The following MAGI2 variants were observed in gnomAD, a reference collection of about 807,000 sequenced individuals.
The protein encoded by MAGI2 is membrane-associated guanylate kinase, WW and PDZ domain-containing protein 2.
In MAGI2, 35 loss-of-function variants were observed where a neutral mutation model predicts 133.3. That is an observed-to-expected ratio of 0.26 (90% CI 0.20 to 0.35). The LOEUF (loss-of-function observed/expected upper bound fraction) is 0.35, where lower values mean the gene tolerates loss of function less well. MAGI2 is among the 10% of genes least tolerant of loss of function. The pLI is 1.00. For missense variants in MAGI2, 1,636 were observed against 1,863.4 expected (o/e 0.88, Z 2.25); for synonymous variants, 729 against 710.6 (o/e 1.03, Z -0.41).
intron 2 of MAGI2, among the ~76,000 whole-genome samples, chr7:78,706,771 C>T (rs944135127): frequency 6.6e-6 from 1 of 152,072 alleles, no homozygotes; most frequent in African/African-American, 2.4e-5. Context: ...CTGCAGCCAG[C>T]CCTGAAACAA....
At chr7:78,523,000 T>C (rs1185273343) in intron 3 of MAGI2, among the ~76,000 whole-genome samples, 2 of 152,008 alleles carry the variant, frequency 1.3e-5, no homozygotes, top group Non-Finnish European at 2.9e-5. Context: ...AGAAAAGCAT[T>C]ATAACAGGAA....
At chr7:78,072,725 G>A (rs1292228805) in intron 21 of MAGI2, 5 of 395,548 alleles carry the variant, frequency 1.3e-5, no homozygotes, top group Middle Eastern at 1.2e-3. Flanking sequence ...CTGTCGCCCA[G>A]GCTGGTGTGC....
intron 2 of MAGI2, among the ~76,000 whole-genome samples, chr7:78,734,987 T>C (rs909566261): frequency 2.0e-5 from 3 of 152,200 alleles, no homozygotes; most frequent in Admixed American, 1.3e-4. Context: ...AACTGATACA[T>C]AACTTTTCTG....
intron 9 of MAGI2, among the ~76,000 whole-genome samples, chr7:78,295,479 G>A (rs1429562574): frequency 6.6e-6 from 1 of 152,166 alleles, no homozygotes; most frequent in Non-Finnish European, 1.5e-5. Flanking sequence ...TGACCTCTGA[G>A]GGTGTGAAAT....
chr7:78,612,885 T>A (rs529859184), intron 3 of MAGI2, among the ~76,000 whole-genome samples: 1 of 152,116 alleles, frequency 6.6e-6, no homozygotes, highest in Non-Finnish European at 1.5e-5. Flanking sequence ...TTAGCCAGGA[T>A]GGTCTCGATC....
chr7:78,432,633 C>T (rs953565841), intron 6 of MAGI2, among the ~76,000 whole-genome samples: 3 of 152,050 alleles, frequency 2.0e-5, no homozygotes, highest in African/African-American at 7.2e-5. Context: ...GGTACAACTA[C>T]TGAGAATTCC....
At chr7:78,413,042 G>A (rs949980505) in intron 6 of MAGI2, among the ~76,000 whole-genome samples, 1 of 152,046 alleles carries the variant, frequency 6.6e-6, no homozygotes, top group African/African-American at 2.4e-5. Flanking sequence ...GGGAGACAGG[G>A]TTTAAAGGAA....
intron 9 of MAGI2, among the ~76,000 whole-genome samples, chr7:78,301,637 C>T (rs1797835202): frequency 6.6e-6 from 1 of 152,198 alleles, no homozygotes; most frequent in African/African-American, 2.4e-5. Flanking sequence ...GTTTCTTATT[C>T]ATTCTCATAT....
chr7:78,444,627 T>C (rs1329870695), intron 6 of MAGI2, among the ~76,000 whole-genome samples: 1 of 151,994 alleles, frequency 6.6e-6, no homozygotes, highest in African/African-American at 2.4e-5. Context: ...AAATGTTAAG[T>C]GAGGAATAAA....
At chr7:78,247,736 T>C (rs1563322853) in intron 10 of MAGI2, among the ~76,000 whole-genome samples, 1 of 152,216 alleles carries the variant, frequency 6.6e-6, no homozygotes, top group East Asian at 1.9e-4. Flanking sequence ...GATCTAGATC[T>C]TTTGAAATTA....
At chr7:78,625,960 T>C (rs1374609261) in intron 3 of MAGI2, among the ~76,000 whole-genome samples, 1 of 152,154 alleles carries the variant, frequency 6.6e-6, no homozygotes, top group Non-Finnish European at 1.5e-5. Context: ...AATGATGAAA[T>C]AGCCTAACCA....
At chr7:79,270,419 G>A (rs1164829530) in intron 1 of MAGI2, among the ~76,000 whole-genome samples, 1 of 152,184 alleles carries the variant, frequency 6.6e-6, no homozygotes, top group Non-Finnish European at 1.5e-5. Flanking sequence ...TCCTAACTGA[G>A]AGAAGTCATT....
chr7:78,178,143 C>A, intron 13 of MAGI2, 41 bp from the exon 14 acceptor site: 1 of 1,269,778 alleles, frequency 7.9e-7, no homozygotes, highest in Non-Finnish European at 1.2e-6. Flanking sequence ...AATCCTGCCT[C>A]TTTCCCAGCC....
At chr7:78,938,707 C>T (rs1292580265) in intron 2 of MAGI2, among the ~76,000 whole-genome samples, 1 of 152,026 alleles carries the variant, frequency 6.6e-6, no homozygotes, top group Non-Finnish European at 1.5e-5. Flanking sequence ...CTCTTTATGC[C>T]ATGTACAAGC....
At chr7:78,124,681 G>C (rs1049028600) in intron 20 of MAGI2, among the ~76,000 whole-genome samples, 21 of 150,468 alleles carry the variant, frequency 1.4e-4, no homozygotes, top group Admixed American at 1.4e-3. Context: ...TTCATACACC[G>C]ACACACACAC....
At chr7:78,140,543 T>C (rs1822640667) in intron 16 of MAGI2, among the ~76,000 whole-genome samples, 6 of 152,230 alleles carry the variant, frequency 3.9e-5, no homozygotes, top group Admixed American at 3.9e-4. Flanking sequence ...TTAGCTCGCA[T>C]TTCCATTAAT....
intron 8 of MAGI2, 135 bp from the exon 9 acceptor site, chr7:78,344,095 G>A: frequency 1.5e-6 from 1 of 671,428 alleles, no homozygotes; most frequent in Non-Finnish European, 2.5e-6. Flanking sequence ...ATGCAAGCAG[G>A]TGGTGACTGC....
intron 1 of MAGI2, among the ~76,000 whole-genome samples, chr7:79,274,073 A>G (rs1835066855): frequency 6.6e-6 from 1 of 152,156 alleles, no homozygotes; most frequent in South Asian, 2.1e-4. Context: ...AAAGTTAGCC[A>G]ACAAAAACAC....
intron 2 of MAGI2, among the ~76,000 whole-genome samples, chr7:78,658,844 A>G (rs1812594692): frequency 6.6e-6 from 1 of 152,214 alleles, no homozygotes; most frequent in Non-Finnish European, 1.5e-5. Flanking sequence ...TCACTCATAG[A>G]TTAGTCGTGG....
Sources: allele counts gnomAD v4.1 joint callset (sites outside exome capture counted in the v4.1 genomes callset), GRCh38; gene constraint gnomAD v4.1.1; transcripts MANE v1.5; gene names NCBI Gene and HGNC (gene_info 2026-07-23, HGNC 2026-07-21).